The following FDXACB1 variants were observed in gnomAD, a reference collection of about 807,000 sequenced individuals.
FDXACB1 encodes ferredoxin-fold anticodon binding domain containing 1.
A neutral mutation model predicts 51.7 loss-of-function variants in FDXACB1; 41 were observed. The ratio of observed to expected loss-of-function variants is 0.79; its 90% CI spans 0.62 to 1.03. The LOEUF (loss-of-function observed/expected upper bound fraction) is 1.03, where lower values mean the gene tolerates loss of function less well. Ranked by LOEUF, FDXACB1 falls within the 50% of genes least tolerant of loss-of-function variation. The probability of loss-of-function intolerance (pLI) is 0.00; values close to 1 mark genes in which losing one functional copy is unlikely to be tolerated. For missense variants in FDXACB1, 697 were observed against 746.4 expected, an observed-to-expected ratio of 0.93 and a Z score of 0.77; for synonymous variants, 273 against 278.6, an observed-to-expected ratio of 0.98 and a Z score of 0.20.
rs1555161954 is a variant in FDXACB1, at chr11:111,875,503, T to C, written c.1294A>G (p.Lys432Glu). 6 of 1,612,158 alleles carry C rather than the reference T, an allele frequency of 3.7e-6. No individual in the cohort carries two copies. In the East Asian group the frequency reaches 1.1e-4, roughly 30 times the overall value. Residue 432 changes from lysine to glutamate, a missense_variant, in exon 5 of 5, where the codon AAG (lysine) becomes GAG (glutamate). By Grantham distance (56) the Lys-to-Glu change is moderately conservative. This residue lies in a region of FDXACB1 where 538 missense variants were observed against 592.2 expected (regional missense o/e 0.91). Coordinates refer to ENST00000260257, the MANE Select transcript of FDXACB1 (RefSeq NM_138378.3). ...ACAAATTTGACTAAACTGCTCAGCT[T>C]AGAGCTCTCCGGCAATGTCTGGGTC... ...LLTQTLPESS[K>E]LSSLVKFVLQ...
rs970840344 is a variant in FDXACB1, at chr11:111,876,161, T to C, written c.693-57A>G. 8.3e-6 allele frequency: 11 copies of C among 1,328,838 alleles called. No homozygotes were observed. The East Asian group carries it at 2.6e-4, about 31-fold the overall frequency. The allele number at this position is 1,328,838 out of a possible 1,614,324, so 82.3% of individuals were successfully genotyped here. On this transcript the variant is annotated intron_variant, in intron 4 of 4. Coordinates refer to ENST00000260257, the MANE Select transcript of FDXACB1 (RefSeq NM_138378.3). The stretch of plus-strand genomic sequence containing the variant: ...AACTTAAGATAGTAAATAATTATAA[T>C]GTAGCTAGAATTAAAAATACAAATA...
chr11:111,875,165 T>C lies in FDXACB1; in HGVS notation c.1632A>G (p.Ile544Met). The C allele has an allele frequency of 1.2e-6, 2 of 1,613,844 alleles. No homozygotes were observed. Among genetic ancestry groups the C allele is most frequent in the Non-Finnish European group, 1.7e-6 (2 of 1,179,892 alleles). The stretch of plus-strand genomic sequence containing the variant: ...GTTCATCAAATCCTTTCTTCTGATC[T>C]ATCCAAAAACTAACATCATGCACAT... ...PCYVHDVSFWIDQKKGFDELE... is the reference protein window; with the variant it reads ...PCYVHDVSFWMDQKKGFDELE... The change falls in exon 5 of 5, where the codon ATA becomes ATG. Residue 544 changes from isoleucine (I) to methionine (M), a missense_variant. Ile to Met is a conservative substitution (Grantham distance 10). Transcript: ENST00000260257.
At position 111,875,899 on chromosome 11, in the gene FDXACB1, A is replaced by T. The variant is rs782807549; in HGVS notation, c.898T>A (p.Ser300Thr). The stretch of plus-strand genomic sequence containing the variant: ...GATGTCCCACCAGTCAGGGACTCAG[A>T]ATTTGAGTTATCTTCATGGAGACTA... ...WISLHEDNSN[S>T]ESLTGGTSQD... The change falls in exon 5 of 5, where the codon TCT (serine) becomes ACT (threonine). Residue 300 changes from serine to threonine, a missense_variant. Around this residue, in one of 3 missense-constraint regions of FDXACB1, gnomAD observed 538 missense variants for 592.2 expected, o/e 0.91. Coordinates refer to ENST00000260257, the MANE Select transcript of FDXACB1 (RefSeq NM_138378.3). The T allele has an allele frequency of 6.2e-7, 1 of 1,613,938 alleles. No homozygotes were observed. The highest frequency in any genetic ancestry group is 1.7e-5 in the Admixed American group (1 of 60,026).
chr11:111,879,154 C>T lies in FDXACB1; in HGVS notation c.-22G>A, dbSNP rs782241544. 1.9e-6 allele frequency: 3 copies of T among 1,595,808 alleles called. No individual in the cohort carries two copies. Among genetic ancestry groups the T allele is most frequent in the Admixed American group, 1.8e-5 (1 of 55,570 alleles). ...CCATGGCCTCCACGGACTCCCGGCT[C>T]GCGTTCTCTGTGGCGCTCGTTTTAC... On this transcript the variant is annotated 5_prime_UTR_variant, in exon 1 of 5. Transcript: ENST00000260257.
At position 111,875,352 on chromosome 11, in the gene FDXACB1, T is replaced by A. The variant is rs1555161929; in HGVS notation, c.1445A>T (p.Gln482Leu). 1.9e-6 allele frequency: 3 copies of A among 1,613,730 alleles called. No individual in the cohort carries two copies. The change falls in exon 5 of 5, where the codon CAG becomes CTG. Residue 482 changes from glutamine to leucine, a missense_variant. Transcript: ENST00000260257. ...GTTCATAGACACAAACACAAAACAC[T>A]GGTCTTTATGTATAACACTAGTGGC... ...TSATSVIHKD[Q>L]CFVFVSMNLD...
In FDXACB1 at chr11:111,879,013, C is replaced by T. The variant is rs200121963; in HGVS notation, c.120G>A (p.Glu40=). ...CCCAGGCCAGTGGATCCCGAGCCAA[C>T]TCGGCCGGGCGCTGGAGGCAGGTGG... ...LTATCLQRPA[E]LARDPLAWEN... Residue 40 remains glutamate (E), a synonymous_variant, in exon 1 of 5, where the codon GAG becomes GAA. Coordinates refer to ENST00000260257, the MANE Select transcript of FDXACB1 (RefSeq NM_138378.3). The T allele has an allele frequency of 4.6e-4, 736 of 1,613,104 alleles. 6 individuals carry two copies. In the South Asian group the frequency reaches 5.8e-3, roughly 13 times the overall value.
Position 111,875,406 on chromosome 11 carries a change from T to C in FDXACB1, c.1391A>G (p.Asp464Gly), listed in dbSNP as rs200674796. ...THNFSPDCTE[D>G]LIIGSVITSA... ...TGTGATAACAGACCCAATAATTAGA[T>C]CCTCAGTACAATCTGGGCTAAAATT... The change falls in exon 5 of 5, where the codon GAT (aspartate) becomes GGT (glycine). Residue 464 changes from aspartate to glycine, a missense_variant. Physicochemically the swap from Asp to Gly is moderately conservative, Grantham distance 94. Coordinates refer to ENST00000260257, the MANE Select transcript of FDXACB1 (RefSeq NM_138378.3). 1.3e-3 allele frequency: 2,175 copies of C among 1,613,540 alleles called. 2 individuals carry two copies. The highest frequency in any genetic ancestry group is 1.7e-3 in the Non-Finnish European group (1,969 of 1,179,800).
intron 3 of FDXACB1, 70 bp downstream of exon 3, chr11:111,876,738 C>A: frequency 6.3e-7 from 1 of 1,592,206 alleles, no homozygotes; most frequent in Admixed American, 1.7e-5. Context: ...TTGAGTCTGT[C>A]TATGAGATTT....
rs2137342244 is a variant in FDXACB1 at position 111,874,607 on chromosome 11, T to C, written c.*315A>G. 1 of 207,290 alleles carries C rather than the reference T, an allele frequency of 4.8e-6. No individual in the cohort carries two copies. Among genetic ancestry groups the C allele is most frequent in the South Asian group, 9.3e-5 (1 of 10,720 alleles). 12.8% of individuals were successfully genotyped at this position (207,290 alleles called of 1,614,324 possible). ...CTACTAAAAATACAAAAAAAAAAAT[T>C]AGCCAGGCGTGGTGGCAGGTGCCTG... is the stretch of plus-strand genomic sequence containing the variant. On this transcript the variant is annotated 3_prime_UTR_variant, in exon 5 of 5. Coordinates refer to ENST00000260257, the MANE Select transcript of FDXACB1 (RefSeq NM_138378.3).
intron 2 of FDXACB1, among the ~76,000 whole-genome samples, chr11:111,877,437 T>C (rs915937092): frequency 3.3e-5 from 5 of 151,990 alleles, no homozygotes; most frequent in South Asian, 4.1e-4. Context: ...ACACCTCCAA[T>C]AGTATCATGT....
In FDXACB1 at chr11:111,875,022, T is replaced by A. The variant is rs199809389; in HGVS notation, c.1775A>T (p.Tyr592Phe). ...GGTGAGGGCCTTGTCACAGGTCTGG[T>A]AGGTCAATCTATAGCAGAGACTGAC... is the stretch of plus-strand genomic sequence containing the variant. ...QQVSLCYRLT[Y>F]QTCDKALTQQ... Residue 592 changes from tyrosine to phenylalanine, a missense_variant, in exon 5 of 5, where the codon TAC (tyrosine) becomes TTC (phenylalanine). Physicochemically the swap from Tyr to Phe is conservative, Grantham distance 22. Transcript: ENST00000260257. 1.2e-6 allele frequency: 2 copies of A among 1,613,974 alleles called. No individual in the cohort carries two copies. Among genetic ancestry groups the A allele is most frequent in the Admixed American group, 1.7e-5 (1 of 60,018 alleles).
rs953050995 is a variant in FDXACB1, at chr11:111,874,109, A to C, written c.*813T>G. The C allele has an allele frequency of 2.0e-5, 3 of 152,234 alleles. No individual in the cohort carries two copies. The highest frequency in any genetic ancestry group is 4.4e-5 in the Non-Finnish European group (3 of 68,044). 9.4% of individuals were successfully genotyped at this position (152,234 alleles called of 1,614,324 possible). ...TCCATGACTTTCAACCACAGAATTAAAATGGTGATGATTATAATAATAATA... is the reference window on the plus strand; with the variant it reads ...TCCATGACTTTCAACCACAGAATTACAATGGTGATGATTATAATAATAATA... On this transcript the variant is annotated 3_prime_UTR_variant, in exon 5 of 5. Transcript: ENST00000260257.
Position 111,874,594 on chromosome 11 carries a change from C to CAAA in FDXACB1, c.*325_*327dup, listed in dbSNP as rs10670929. On this transcript the variant is annotated 3_prime_UTR_variant, in exon 5 of 5. Coordinates refer to ENST00000260257, the MANE Select transcript of FDXACB1 (RefSeq NM_138378.3). ...TGAAACCTCGTCTCTACTAAAAATA[C>CAAA]AAAAAAAAAAATTAGCCAGGCGTGG... The CAAA allele has an allele frequency of 2.2e-3, 424 of 191,694 alleles. No homozygotes were observed. The highest frequency in any genetic ancestry group is 9.7e-3 in the Middle Eastern group (4 of 412). 11.9% of individuals were successfully genotyped at this position (191,694 alleles called of 1,614,324 possible). A position where few individuals can be genotyped will look rare whatever the true frequency, so the allele number is the denominator to read the frequency against.
rs1566366683 is a variant in FDXACB1 at position 111,875,466 on chromosome 11, TTTG to T, written c.1328_1330del (p.Ser443_Asn444delinsTyr). 1 of 1,612,834 alleles carries T rather than the reference TTTG, an allele frequency of 6.2e-7. No homozygotes were observed. The highest frequency in any genetic ancestry group is 2.2e-5 in the East Asian group (1 of 44,858). ...CACACGAATCATATAATCCTTTCCATTTGACTGAAGGACAAATTTGACTAAACT... is the reference window on the plus strand; with the variant it reads ...CACACGAATCATATAATCCTTTCCATACTGAAGGACAAATTTGACTAAACT... On this transcript the variant is annotated inframe_deletion, in exon 5 of 5. Coordinates refer to ENST00000260257, the MANE Select transcript of FDXACB1 (RefSeq NM_138378.3).
rs782008194 is a variant in FDXACB1 at position 111,879,020 on chromosome 11, G to A, written c.113C>T (p.Pro38Leu). ...TQLTATCLQR[P>L]AELARDPLAW... The stretch of plus-strand genomic sequence containing the variant: ...CAGTGGATCCCGAGCCAACTCGGCC[G>A]GGCGCTGGAGGCAGGTGGCGGTAAG... The change falls in exon 1 of 5, where the codon CCG (proline) becomes CTG (leucine). Residue 38 changes from proline (P) to leucine (L), a missense_variant. By Grantham distance (98) the Pro-to-Leu change is moderately conservative (BLOSUM62 -3). This residue lies in a region of FDXACB1 where 153 missense variants were observed against 133.5 expected (regional missense o/e 1.15). Transcript: ENST00000260257. 3.7e-6 allele frequency: 6 copies of A among 1,613,330 alleles called. No homozygotes were observed. The highest frequency in any genetic ancestry group is 2.7e-5 in the African/African-American group (2 of 75,036).
rs1964764110 is a variant in FDXACB1 at position 111,874,510 on chromosome 11, G to C, written c.*412C>G. Reference sequence around the variant, plus strand: ...TCACATCTATAATCCCAGCACTTTGGGAGGCCGACGCAGGCAGATCACGAG... The same window carrying C: ...TCACATCTATAATCCCAGCACTTTGCGAGGCCGACGCAGGCAGATCACGAG... On this transcript the variant is annotated 3_prime_UTR_variant, in exon 5 of 5. Transcript: ENST00000260257. 1 of 166,622 alleles carries C rather than the reference G, an allele frequency of 6.0e-6. No homozygotes were observed. The highest frequency in any genetic ancestry group is 2.4e-5 in the African/African-American group (1 of 41,490). The allele number at this position is 166,622 out of a possible 1,614,324, so 10.3% of individuals were successfully genotyped here. A position where few individuals can be genotyped will look rare whatever the true frequency, so the allele number is the denominator to read the frequency against.
chr11:111,876,392 A>C, intron 4 of FDXACB1, 89 bp downstream of exon 4: 1 of 1,433,724 alleles, frequency 7.0e-7, no homozygotes, highest in South Asian at 1.3e-5. Context: ...CTAACAATTT[A>C]TGCACCATCC....
At position 111,878,693 on chromosome 11, in the gene FDXACB1, A is replaced by G; in HGVS notation, c.192T>C (p.Gly64=). ...LRERGIDVRF[G]VDCTQLADVF... ...CATCTGCCAGCTGGGTGCAGTCCAC[A>G]CCGAAACGTACATCGATACCTGGCA... is the stretch of plus-strand genomic sequence containing the variant. The change falls in exon 2 of 5, where the codon GGT becomes GGC. Residue 64 remains glycine, a synonymous_variant. Transcript: ENST00000260257. 6.2e-7 allele frequency: 1 copy of G among 1,610,910 alleles called. No homozygotes were observed. The highest frequency in any genetic ancestry group is 8.5e-7 in the Non-Finnish European group (1 of 1,178,808).
Position 111,875,423 on chromosome 11 carries a change from G to T in FDXACB1, c.1374C>A (p.Ser458Arg). Reference protein sequence around the residue: ...YMIRVKTHNFSPDCTEDLIIG... With the variant: ...YMIRVKTHNFRPDCTEDLIIG... ...TAATTAGATCCTCAGTACAATCTGGGCTAAAATTATGAGTCTTCACACGAA... is the reference window on the plus strand; with the variant it reads ...TAATTAGATCCTCAGTACAATCTGGTCTAAAATTATGAGTCTTCACACGAA... Residue 458 changes from serine (S) to arginine (R), a missense_variant, in exon 5 of 5, where the codon AGC (serine) becomes AGA (arginine). Coordinates refer to ENST00000260257, the MANE Select transcript of FDXACB1 (RefSeq NM_138378.3). The T allele has an allele frequency of 6.2e-7, 1 of 1,613,358 alleles. No individual in the cohort carries two copies. Among genetic ancestry groups the T allele is most frequent in the Non-Finnish European group, 8.5e-7 (1 of 1,179,812 alleles).
Sources: gnomAD v4.1 joint callset for allele counts (sites outside exome capture counted in the v4.1 genomes callset) on GRCh38, gnomAD v4.1.1 for gene constraint, gnomAD v4.1.1 regional missense constraint, MANE v1.5 for transcripts, NCBI Gene and HGNC (gene_info 2026-07-23, HGNC 2026-07-21) for gene names.